FBN2: variants seen among roughly 807,000 people sequenced by gnomAD.
The protein encoded by FBN2 is fibrillin 2, also known as fibrillin-2.
FBN2 carries 105 observed loss-of-function variants against 355.6 expected under a neutral mutation model. The ratio of observed to expected loss-of-function variants is 0.30; its 90% CI spans 0.25 to 0.35. FBN2 has a LOEUF of 0.35. FBN2 is among the 10% of genes least tolerant of loss of function. The pLI is 1.00. For synonymous variants in FBN2, 1,350 were observed against 1,301.2 expected, an observed-to-expected ratio of 1.04 and a Z score of -0.81; for missense variants, 3,280 against 3,758.7, an observed-to-expected ratio of 0.87 and a Z score of 3.33.
At position 128,452,062 on chromosome 5, in the gene FBN2, G is replaced by A. The variant is rs1363113152; in HGVS notation, c.827-5456C>T. Among the ~76,000 whole-genome samples, 3 of 151,894 alleles carry A rather than the reference G, an allele frequency of 2.0e-5. No homozygotes were observed. The East Asian group carries it at 5.8e-4, about 29-fold the overall frequency. The stretch of plus-strand genomic sequence containing the variant: ...TCAAGTTAGCAGTTAAAATAAAAAA[G>A]AAAATTTAAAAGAAATTATATAGAA... On this transcript the variant is annotated intron_variant, in intron 6 of 64. Coordinates refer to ENST00000262464, the MANE Select transcript of FBN2 (RefSeq NM_001999.4).
chr5:128,343,099 T>A (rs1314126433), intron 25 of FBN2, among the ~76,000 whole-genome samples: 2 of 152,054 alleles, frequency 1.3e-5, no homozygotes, highest in Non-Finnish European at 2.9e-5. Context: ...TTATTCTCAA[T>A]GAAGGAGAAC....
chr5:128,388,948 C>T (rs910941684), intron 11 of FBN2, among the ~76,000 whole-genome samples: 5 of 152,120 alleles, frequency 3.3e-5, no homozygotes, highest in African/African-American at 9.7e-5. Context: ...GTTGCTTGCT[C>T]TTTCTACCTC....
intron 8 of FBN2, among the ~76,000 whole-genome samples, chr5:128,399,864 G>A (rs1752751701): frequency 6.6e-6 from 1 of 151,882 alleles, no homozygotes; most frequent in Non-Finnish European, 1.5e-5. Flanking sequence ...AGCAGGTCGG[G>A]GGGATCCTGA....
rs1754667300 is a variant in FBN2, at chr5:128,464,884, G to A, written c.666C>T (p.Asn222=). 1 of 1,614,226 alleles carries A rather than the reference G, an allele frequency of 6.2e-7. No individual in the cohort carries two copies. The highest frequency in any genetic ancestry group is 8.5e-7 in the Non-Finnish European group (1 of 1,180,046). The change falls in exon 6 of 65, where the codon AAC becomes AAT. Residue 222 remains asparagine (N), a synonymous_variant. Coordinates refer to ENST00000262464, the MANE Select transcript of FBN2 (RefSeq NM_001999.4). ...RTGPCFTQVN[N]QMCQGQLTGI... ...CTGTCAGCTGCCCTTGGCACATCTG[G>A]TTGTTGACCTGAGTGAAACACGGGC...
chr5:128,291,663 CAG>C lies in FBN2; in HGVS notation c.6167-11_6167-10del. On this transcript the variant is annotated splice_polypyrimidine_tract_variant and intron_variant, in intron 48 of 64. Coordinates refer to ENST00000262464, the MANE Select transcript of FBN2 (RefSeq NM_001999.4). ...ATCACATTCATTTATATCTGCAGAA[CAG>C]GGGGAGTATTTATTAGCCATTCAAC... The C allele has an allele frequency of 6.2e-7, 1 of 1,612,948 alleles. No homozygotes were observed. Among genetic ancestry groups the C allele is most frequent in the South Asian group, 1.1e-5 (1 of 91,002 alleles).
intron 11 of FBN2, among the ~76,000 whole-genome samples, chr5:128,384,260 G>T (rs1752310866): frequency 6.6e-6 from 1 of 151,974 alleles, no homozygotes; most frequent in African/African-American, 2.4e-5. Context: ...TGACTAATCA[G>T]GGATTGCCTG....
chr5:128,272,171 T>G, intron 61 of FBN2, 53 bp from the exon 62 acceptor site: 1 of 1,610,718 alleles, frequency 6.2e-7, no homozygotes, highest in Non-Finnish European at 8.5e-7. Flanking sequence ...CTACTATTTT[T>G]AAATGCACTC....
chr5:128,309,920 G>A (rs1749986454), intron 40 of FBN2, 63 bp downstream of exon 40: 10 of 1,543,182 alleles, frequency 6.5e-6, no homozygotes, highest in African/African-American at 5.4e-5. Flanking sequence ...ATTCTGAGAC[G>A]TAAGTGCTTT....
At chr5:128,393,012 A>AAC (rs141826099) in intron 10 of FBN2, 123 bp downstream of exon 10, 56 of 800,244 alleles carry the variant, frequency 7.0e-5, no homozygotes, top group African/African-American at 2.4e-4. Flanking sequence ...CGCACCCACA[A>AAC]ACACACACAC....
In FBN2 at chr5:128,388,050, G is replaced by C. The variant is rs1001877797; in HGVS notation, c.1603+3968C>G. 2.6e-5 allele frequency among the ~76,000 whole-genome samples: 4 copies of C among 152,162 alleles called. No individual in the cohort carries two copies. The South Asian group carries it at 8.3e-4, about 32-fold the overall frequency. ...CCAGTGTTGGGTGCATGTATGTTTA[G>C]GATAGGGAAATCTTTTGTTGCACTG... On this transcript the variant is annotated intron_variant, in intron 11 of 64. Transcript: ENST00000262464.
intron 5 of FBN2, among the ~76,000 whole-genome samples, chr5:128,479,110 C>A (rs1283570170): frequency 1.3e-5 from 2 of 152,172 alleles, no homozygotes; most frequent in Non-Finnish European, 2.9e-5. Flanking sequence ...CCTTGGAGAA[C>A]TTTAGAATCT....
intron 5 of FBN2, among the ~76,000 whole-genome samples, chr5:128,482,508 T>C (rs893969600): frequency 6.6e-6 from 1 of 152,218 alleles, no homozygotes; most frequent in African/African-American, 2.4e-5. Context: ...CCAAGACCCT[T>C]AACTGATACA....
intron 58 of FBN2, 29 bp from the exon 59 acceptor site, chr5:128,276,189 T>G: frequency 6.2e-7 from 1 of 1,611,146 alleles, no homozygotes; most frequent in Non-Finnish European, 8.5e-7. Context: ...AAGATTAAAT[T>G]ACTGGTTAAA....
At chr5:128,522,399 A>AC (rs1461941654) in intron 4 of FBN2, among the ~76,000 whole-genome samples, 1 of 152,192 alleles carries the variant, frequency 6.6e-6, no homozygotes, top group Non-Finnish European at 1.5e-5. Flanking sequence ...CACTCACCAC[A>AC]CCACCTCTCT....
chr5:128,516,511 T>C (rs1034532412), intron 5 of FBN2, among the ~76,000 whole-genome samples: 1 of 152,204 alleles, frequency 6.6e-6, no homozygotes, highest in East Asian at 1.9e-4. Context: ...CATTGGTTAC[T>C]ACTCAGTCTC....
chr5:128,315,555 A>G (rs1355093291), intron 36 of FBN2, among the ~76,000 whole-genome samples: 4 of 152,226 alleles, frequency 2.6e-5, no homozygotes, highest in African/African-American at 7.2e-5. Context: ...TAAAGTCTCC[A>G]CAAATAGAAA....
At chr5:128,512,134 T>C (rs866433984) in intron 5 of FBN2, among the ~76,000 whole-genome samples, 10 of 152,100 alleles carry the variant, frequency 6.6e-5, no homozygotes, top group African/African-American at 1.4e-4. Context: ...AAAGGTAAAA[T>C]AGTGAAACTT....
chr5:128,435,408 T>C (rs1322597472), intron 7 of FBN2, among the ~76,000 whole-genome samples: 1 of 152,226 alleles, frequency 6.6e-6, no homozygotes, highest in East Asian at 1.9e-4. Flanking sequence ...GAAACTGTAC[T>C]AAAAGTCATC....
chr5:128,334,972 T>C (rs1455476962), intron 30 of FBN2, 128 bp from the exon 31 acceptor site: 3 of 1,149,182 alleles, frequency 2.6e-6, no homozygotes, highest in Non-Finnish European at 3.8e-6. Flanking sequence ...CCGCAAATCA[T>C]CGTGTTATAG....
Sources: gnomAD v4.1 joint callset for allele counts (sites outside exome capture counted in the v4.1 genomes callset) on GRCh38, gnomAD v4.1.1 for gene constraint, MANE v1.5 for transcripts, NCBI Gene and HGNC (gene_info 2026-07-23, HGNC 2026-07-21) for gene names.